Variants in ZNF343 observed in about 807,000 individuals in gnomAD.
ZNF343 encodes the protein zinc finger protein 343.
In ZNF343, 11 loss-of-function variants were observed where a neutral mutation model predicts 13.8. That is an observed-to-expected ratio of 0.80 (90% CI 0.50 to 1.32). The LOEUF is 1.32. Ranked by LOEUF, ZNF343 falls within the 40% of genes most tolerant of loss-of-function variation. The probability of loss-of-function intolerance (pLI) is 0.00; values close to 1 mark genes in which losing one functional copy is unlikely to be tolerated. For synonymous variants in ZNF343, 248 were observed against 260.0 expected (o/e 0.95, Z 0.44); for missense variants, 658 against 714.2 (o/e 0.92, Z 0.90).
chr20:2,510,497 A>G (rs2085732396), upstream of ZNF343, among the ~76,000 whole-genome samples: 1 of 152,294 alleles, frequency 6.6e-6, no homozygotes, highest in East Asian at 1.9e-4. Context: ...CACCTTCCCA[A>G]TATCAGCCTT....
intron 5 of ZNF343, among the ~76,000 whole-genome samples, chr20:2,485,279 C>G (rs530769238): frequency 3.9e-5 from 6 of 152,164 alleles, no homozygotes; most frequent in Non-Finnish European, 8.8e-5. Flanking sequence ...GATTCTGGCA[C>G]CAAGCCAAAA....
chr20:2,513,557 G>C (rs763492621), upstream of ZNF343, among the ~76,000 whole-genome samples: 24 of 152,128 alleles, frequency 1.6e-4, no homozygotes, highest in Non-Finnish European at 3.2e-4. Context: ...CTATCTGTTG[G>C]GGAAATCCGT....
At chr20:2,493,316 A>T (rs1232834919) in intron 4 of ZNF343, among the ~76,000 whole-genome samples, 1 of 152,138 alleles carries the variant, frequency 6.6e-6, no homozygotes, top group African/African-American at 2.4e-5. Flanking sequence ...AGCATTTTTT[A>T]AAAGCTCAGG....
intron 1 of ZNF343, among the ~76,000 whole-genome samples, chr20:2,506,810 G>A (rs1367138530): frequency 3.9e-5 from 6 of 152,062 alleles, no homozygotes; most frequent in Admixed American, 6.6e-5. Context: ...TGAGGGGAGC[G>A]GGGAGGGATA....
upstream of ZNF343, among the ~76,000 whole-genome samples, chr20:2,512,717 A>T (rs868464217): frequency 1.3e-5 from 2 of 152,200 alleles, no homozygotes; most frequent in Admixed American, 6.5e-5. Context: ...AGAAAGCATA[A>T]GGGTTAATTT....
rs16986190 is a variant in ZNF343, at chr20:2,494,859, G to A, written c.-149-815C>T. ...CCTTCTTAGTTAAGGGAGAGCTCCA[G>A]TTCTCACAATTACTCTGAAGAGATA... On this transcript the variant is annotated intron_variant, in intron 2 of 5. Transcript: ENST00000278772. Among the ~76,000 whole-genome samples, 916 of 152,172 alleles carry A rather than the reference G, an allele frequency of 6.0e-3. 11 individuals carry two copies. Among genetic ancestry groups the A allele is most frequent in the African/African-American group, 0.021 (878 of 41,502 alleles).
Position 2,484,493 on chromosome 20 carries a change from C to T in ZNF343, c.468G>A (p.Gln156=). Residue 156 remains glutamine (Q), a synonymous_variant, in exon 6 of 6, where the codon CAG becomes CAA. Coordinates refer to ENST00000278772, the MANE Select transcript of ZNF343 (RefSeq NM_024325.6). ...ACCAACAGCTTACATGGGAATACTG[C>T]TGCCCCTGCTGTTTCCAATGCCCTG... ...SSPGHWKQQG[Q]QYSHVSCWFE... 1 of 1,614,262 alleles carries T rather than the reference C, an allele frequency of 6.2e-7. No individual in the cohort carries two copies. The highest frequency in any genetic ancestry group is 1.6e-4 in the Middle Eastern group (1 of 6,062).
intron 1 of ZNF343, among the ~76,000 whole-genome samples, chr20:2,501,849 A>C (rs112069781): frequency 4.4e-4 from 67 of 152,332 alleles, no homozygotes; most frequent in African/African-American, 1.4e-3. Context: ...ACATAAAACC[A>C]CAAAGATGGG....
At chr20:2,489,870 C>T (rs1276820363) in intron 5 of ZNF343, among the ~76,000 whole-genome samples, 1 of 151,828 alleles carries the variant, frequency 6.6e-6, no homozygotes, top group African/African-American at 2.4e-5. Context: ...AAAAGAGACT[C>T]GGGCCGGGCT....
intron 2 of ZNF343, among the ~76,000 whole-genome samples, chr20:2,496,776 T>C (rs191757874): frequency 6.0e-4 from 92 of 152,168 alleles, no homozygotes; most frequent in Non-Finnish European, 1.0e-3. Context: ...CCTGGAGCAG[T>C]TGGAAGGATA....
intron 3 of ZNF343, 48 bp downstream of exon 3, chr20:2,493,730 G>A (rs184949335): frequency 5.2e-6 from 8 of 1,525,424 alleles, no homozygotes; most frequent in African/African-American, 4.1e-5. Context: ...GGTGAACCTG[G>A]AGCCTTGGCT....
chr20:2,485,490 A>G (rs116045964), intron 5 of ZNF343, among the ~76,000 whole-genome samples: 242 of 152,354 alleles, frequency 1.6e-3, no homozygotes, highest in African/African-American at 5.5e-3. Context: ...TGCCTAACTA[A>G]TGAACACTGG....
intron 2 of ZNF343, among the ~76,000 whole-genome samples, chr20:2,500,421 A>C (rs2085540692): frequency 6.6e-6 from 1 of 152,264 alleles, no homozygotes; most frequent in African/African-American, 2.4e-5. Context: ...AGCCAAGATG[A>C]AATATGGCTG....
intron 1 of ZNF343, among the ~76,000 whole-genome samples, chr20:2,521,739 G>A (rs907285270): frequency 5.9e-5 from 9 of 152,226 alleles, no homozygotes; most frequent in African/African-American, 1.9e-4. Flanking sequence ...GGGGAGTGGG[G>A]ATTTAGCTTC....
At position 2,484,617 on chromosome 20, in the gene ZNF343, A is replaced by G; in HGVS notation, c.344T>C (p.Leu115Pro). 6.2e-7 allele frequency: 1 copy of G among 1,609,588 alleles called. No individual in the cohort carries two copies. Among genetic ancestry groups the G allele is most frequent in the Non-Finnish European group, 8.5e-7 (1 of 1,177,642 alleles). Residue 115 changes from leucine (L) to proline (P), a missense_variant, in exon 6 of 6, where the codon CTT (leucine) becomes CCT (proline). By Grantham distance (98) the Leu-to-Pro change is moderately conservative. Transcript: ENST00000278772. Reference sequence around the variant, plus strand: ...GAACTGCTGACAGGAGAAGGCCAGAAGGCAGGAGGAACAAGTGTAGATTTC... The same window carrying G: ...GAACTGCTGACAGGAGAAGGCCAGAGGGCAGGAGGAACAAGTGTAGATTTC... ...KPEIYTCSSC[L>P]LAFSCQQFLS... is the part of the protein sequence containing the mutation.
chr20:2,499,810 G>A (rs540087741), intron 2 of ZNF343, among the ~76,000 whole-genome samples: 36 of 152,216 alleles, frequency 2.4e-4, no homozygotes, highest in Admixed American at 1.8e-3. Context: ...AAAAGGGAGT[G>A]GGAGAATTGG....
At chr20:2,512,778 G>A (rs1189322679), upstream of ZNF343, among the ~76,000 whole-genome samples, 1 of 152,054 alleles carries the variant, frequency 6.6e-6, no homozygotes, top group African/African-American at 2.4e-5. Flanking sequence ...ACCAAAAGCA[G>A]AAGCAACAAA....
chr20:2,503,498 G>A (rs2085604898), intron 1 of ZNF343, among the ~76,000 whole-genome samples: 1 of 152,164 alleles, frequency 6.6e-6, no homozygotes, highest in African/African-American at 2.4e-5. Context: ...CAAATCAACA[G>A]AATATACATT....
At chr20:2,486,127 A>G (rs1040520592) in intron 5 of ZNF343, among the ~76,000 whole-genome samples, 4 of 152,214 alleles carry the variant, frequency 2.6e-5, no homozygotes, top group Non-Finnish European at 5.9e-5. Context: ...CAGTCTGAAT[A>G]TATATACGGC....
Sources: gnomAD v4.1 joint callset for allele counts (sites outside exome capture counted in the v4.1 genomes callset) on GRCh38, gnomAD v4.1.1 for gene constraint, MANE v1.5 for transcripts, NCBI Gene and HGNC (gene_info 2026-07-23, HGNC 2026-07-21) for gene names.